DBNDD2: variants seen among roughly 807,000 people sequenced by gnomAD.
DBNDD2 encodes the protein dysbindin domain containing 2, also known as dysbindin domain-containing protein 2.
Under a neutral mutation model 14.0 loss-of-function variants are expected in DBNDD2, and 8 were observed. The ratio of observed to expected loss-of-function variants is 0.57; its 90% CI spans 0.33 to 1.03. The LOEUF (loss-of-function observed/expected upper bound fraction) is 1.03, where lower values mean the gene tolerates loss of function less well. DBNDD2 is among the 50% of genes least tolerant of loss of function. DBNDD2 has a pLI of 0.03. For synonymous variants in DBNDD2, 94 were observed against 85.3 expected (o/e 1.10, Z -0.56); for missense variants, 194 against 206.0 (o/e 0.94, Z 0.36).
chr20:45,410,023 C>T lies in DBNDD2; in HGVS notation c.369C>T (p.Ser123=), dbSNP rs747260940. 38 of 1,552,612 alleles carry T rather than the reference C, an allele frequency of 2.4e-5. No homozygotes were observed. The highest frequency in any genetic ancestry group is 3.9e-5 in the Admixed American group (2 of 51,094). ...SRTSSSSSSD[S]STNLHSPNPS... ...CCTCCTCCTCCTCCTCCTCCGACTC[C>T]TCCACCAACCTGCATAGCCCAAATC... Residue 123 remains serine, a synonymous_variant, in exon 3 of 3, where the codon TCC becomes TCT. Coordinates refer to ENST00000372710, the MANE Select transcript of DBNDD2 (RefSeq NM_001048225.4).
intron 2 of DBNDD2, among the ~76,000 whole-genome samples, chr20:45,409,381 T>C (rs542291536): frequency 4.6e-4 from 70 of 152,328 alleles, no homozygotes; most frequent in Middle Eastern, 6.8e-3. Flanking sequence ...ATATAATCTC[T>C]ATTTTATAAG....
At chr20:45,406,221 C>A, upstream of DBNDD2, 1 of 509,912 alleles carries the variant, frequency 2.0e-6, no homozygotes, top group South Asian at 2.6e-5. Flanking sequence ...GTAAGTGTGG[C>A]GAGTGTGGCC....
chr20:45,406,041 T>A (rs1239465836), upstream of DBNDD2: 1 of 163,188 alleles, frequency 6.1e-6, no homozygotes, highest in Non-Finnish European at 1.3e-5. Context: ...GCGGCGGCTC[T>A]GTCTAGTCCC....
intron 1 of DBNDD2, 37 bp downstream of exon 1, chr20:45,408,643 G>A: frequency 6.2e-7 from 1 of 1,601,512 alleles, no homozygotes; most frequent in Non-Finnish European, 8.5e-7. Flanking sequence ...ACTGGGGTAG[G>A]GTAGGGAGGA....
upstream of DBNDD2, chr20:45,406,571 C>G (rs1989402596): frequency 6.8e-7 from 1 of 1,470,972 alleles, no homozygotes; most frequent in Admixed American, 2.4e-5. Flanking sequence ...TCCCCCACTT[C>G]CGCCTCCCGC....
At position 45,408,513 on chromosome 20, in the gene DBNDD2, C is replaced by T. The variant is rs6104143; in HGVS notation, c.46C>T (p.Leu16Phe). Residue 16 changes from leucine to phenylalanine, a missense_variant, in exon 1 of 3, where the codon CTT becomes TTT. By Grantham distance (22) the Leu-to-Phe change is conservative. Coordinates refer to ENST00000372710, the MANE Select transcript of DBNDD2 (RefSeq NM_001048225.4). ...RAALERQQLR[L>F]RERQKFFEDI... ...CGCCCTGGAGCGCCAGCAGCTCCGC[C>T]TTCGGGAGCGGCAAAAATTCTTCGA... 51 of 1,614,276 alleles carry T rather than the reference C, an allele frequency of 3.2e-5. No homozygotes were observed. In the African/African-American group the frequency reaches 5.5e-4, roughly 17 times the overall value.
Position 45,410,306 on chromosome 20 carries a change from G to T in DBNDD2, c.*166G>T. On this transcript the variant is annotated 3_prime_UTR_variant, in exon 3 of 3. Coordinates refer to ENST00000372710, the MANE Select transcript of DBNDD2 (RefSeq NM_001048225.4). ...CCTTTCTAAGAATTAACCCTCTCCTGCTTTACTGCTAATTTTTTCCTGCTG... is the reference window on the plus strand; with the variant it reads ...CCTTTCTAAGAATTAACCCTCTCCTTCTTTACTGCTAATTTTTTCCTGCTG... 1.3e-6 allele frequency: 1 copy of T among 786,874 alleles called. No individual in the cohort carries two copies. The highest frequency in any genetic ancestry group is 2.0e-6 in the Non-Finnish European group (1 of 507,802). The allele number at this position is 786,874 out of a possible 1,614,324, so 48.7% of individuals were successfully genotyped here.
Position 45,410,404 on chromosome 20 carries a change from A to G in DBNDD2, c.*264A>G, listed in dbSNP as rs965251163. Reference sequence around the variant, plus strand: ...ATGAGGAGAGAGAAGATGAGGTTGGACAAGATGCCACTGCTTTTCTTAGCA... The same window carrying G: ...ATGAGGAGAGAGAAGATGAGGTTGGGCAAGATGCCACTGCTTTTCTTAGCA... On this transcript the variant is annotated 3_prime_UTR_variant, in exon 3 of 3. Transcript: ENST00000372710. 2.1e-6 allele frequency: 1 copy of G among 477,284 alleles called. No individual in the cohort carries two copies. The highest frequency in any genetic ancestry group is 3.8e-6 in the Non-Finnish European group (1 of 260,222). 29.6% of individuals were successfully genotyped at this position (477,284 alleles called of 1,614,324 possible). A position where few individuals can be genotyped will look rare whatever the true frequency, so the allele number is the denominator to read the frequency against.
At position 45,408,384 on chromosome 20, in the gene DBNDD2, G is replaced by A. The variant is rs751227773; in HGVS notation, c.-84G>A. 7.4e-6 allele frequency: 12 copies of A among 1,613,140 alleles called. No homozygotes were observed. Among genetic ancestry groups the A allele is most frequent in the Non-Finnish European group, 1.0e-5 (12 of 1,179,866 alleles). Reference sequence around the variant, plus strand: ...ACTGTTGGGATGCTGGCTGCAGTGGGGCGCCCCAAGCCCAGGTCCCCTCTG... The same window carrying A: ...ACTGTTGGGATGCTGGCTGCAGTGGAGCGCCCCAAGCCCAGGTCCCCTCTG... On this transcript the variant is annotated 5_prime_UTR_variant, in exon 1 of 3. Coordinates refer to ENST00000372710, the MANE Select transcript of DBNDD2 (RefSeq NM_001048225.4).
At chr20:45,407,488 C>A, upstream of DBNDD2, 24 of 985,890 alleles carry the variant, frequency 2.4e-5, no homozygotes, top group Non-Finnish European at 2.9e-5. Flanking sequence ...GGGCTCAGAG[C>A]AGAACGCCGG....
Position 45,408,890 on chromosome 20 carries a change from G to A in DBNDD2, c.229G>A (p.Asp77Asn). ...TGACCTTGGGGACCCGGATGCAGCA[G>A]ATGTGTTCTTGCCTTGCGAAGATCC... ...LIDLGDPDAA[D>N]VFLPCEDPPP... The change falls in exon 2 of 3, where the codon GAT becomes AAT. Residue 77 changes from aspartate (D) to asparagine (N), a missense_variant. Physicochemically the swap from Asp to Asn is conservative, Grantham distance 23. Coordinates refer to ENST00000372710, the MANE Select transcript of DBNDD2 (RefSeq NM_001048225.4). 1 of 1,614,216 alleles carries A rather than the reference G, an allele frequency of 6.2e-7. No homozygotes were observed. The highest frequency in any genetic ancestry group is 8.5e-7 in the Non-Finnish European group (1 of 1,180,036).
chr20:45,406,626 G>A (rs1434797575), upstream of DBNDD2: 1 of 1,396,000 alleles, frequency 7.2e-7, no homozygotes, highest in African/African-American at 1.5e-5. Flanking sequence ...TCCCCCGGGA[G>A]CCCTGGAGGC....
chr20:45,410,074 C>A lies in DBNDD2; in HGVS notation c.420C>A (p.Pro140=). 6.4e-7 allele frequency: 1 copy of A among 1,555,074 alleles called. No individual in the cohort carries two copies. The highest frequency in any genetic ancestry group is 2.4e-5 in the East Asian group (1 of 41,258). ...CAAGTGATGATGGAGCAGATACGCC[C>A]TTGGCACAGTCGGATGAAGAGGAGG... ...PNPSDDGADT[P]LAQSDEEEER... Residue 140 remains proline (P), a synonymous_variant, in exon 3 of 3, where the codon CCC becomes CCA. Transcript: ENST00000372710.
In DBNDD2 at chr20:45,408,880, G is replaced by A. The variant is rs752781637; in HGVS notation, c.219G>A (p.Pro73=). 6.8e-6 allele frequency: 11 copies of A among 1,614,212 alleles called. No homozygotes were observed. The highest frequency in any genetic ancestry group is 2.2e-5 in the South Asian group (2 of 91,092). The change falls in exon 2 of 3, where the codon CCG becomes CCA. Residue 73 remains proline, a synonymous_variant. Transcript: ENST00000372710. ...EQVELIDLGD[P]DAADVFLPCE... is the part of the protein sequence containing the mutation. ...TAGAACTTATTGACCTTGGGGACCC[G>A]GATGCAGCAGATGTGTTCTTGCCTT...
At chr20:45,406,943 G>A (rs1989453563), upstream of DBNDD2, among the ~76,000 whole-genome samples, 1 of 152,152 alleles carries the variant, frequency 6.6e-6, no homozygotes, top group Non-Finnish European at 1.5e-5. Flanking sequence ...CTCCTGCCCG[G>A]CCCCTGGCAG....
intron 2 of DBNDD2, 189 bp downstream of exon 2, chr20:45,409,127 A>C: frequency 9.4e-7 from 1 of 1,064,482 alleles, no homozygotes; most frequent in African/African-American, 1.6e-5. Context: ...TGGGTTACAC[A>C]TCTCTAATCC....
upstream of DBNDD2, chr20:45,406,806 C>G: frequency 8.1e-7 from 1 of 1,230,292 alleles, no homozygotes; most frequent in Middle Eastern, 3.2e-4. Context: ...AGGGGAACGG[C>G]CTTGGGGGAG....
Position 45,409,930 on chromosome 20 carries a change from A to AG in DBNDD2, c.279dup, listed in dbSNP as rs1221706365. ...GCCTGACCAGCTTTTCTCTCTGGGC[A>AG]GGGATGGACAACCATTTGGAGGAGC... On this transcript the variant is annotated splice_acceptor_variant, in intron 2 of 2. Transcript: ENST00000372710. LOFTEE classifies it high-confidence loss of function. 2 of 1,551,652 alleles carry AG rather than the reference A, an allele frequency of 1.3e-6. No homozygotes were observed. Among genetic ancestry groups the AG allele is most frequent in the Admixed American group, 2.0e-5 (1 of 50,994 alleles).
upstream of DBNDD2, chr20:45,408,209 C>G: frequency 6.4e-7 from 1 of 1,551,136 alleles, no homozygotes; most frequent in Non-Finnish European, 8.7e-7. Flanking sequence ...GAGTATCTCT[C>G]TTGTGGTGCC....
Sources: gnomAD v4.1 joint callset for allele counts (sites outside exome capture counted in the v4.1 genomes callset) on GRCh38, gnomAD v4.1.1 for gene constraint, MANE v1.5 for transcripts, NCBI Gene and HGNC (gene_info 2026-07-23, HGNC 2026-07-21) for gene names.